Variants in ATP11C observed in about 807,000 individuals in gnomAD.
The protein encoded by ATP11C is ATPase phospholipid transporting 11C (ATP11C blood group).
A neutral mutation model predicts 97.4 loss-of-function variants in ATP11C; 36 were observed. That is an observed-to-expected ratio of 0.37 (90% CI 0.28 to 0.49). ATP11C has a LOEUF of 0.49. Among genes scored for constraint, ATP11C ranks in the 20% least tolerant of loss-of-function variants. ATP11C has a pLI of 0.98. For missense variants in ATP11C, 730 were observed against 824.6 expected, an observed-to-expected ratio of 0.89 and a Z score of 1.40; for synonymous variants, 275 against 290.9, an observed-to-expected ratio of 0.95 and a Z score of 0.56.
Position 139,804,466 on chromosome X carries a change from G to C in ATP11C, c.555+5C>G, listed in dbSNP as rs1271257241. ...AAAATGTTTAGGCAAGGTTTAGTCT[G>C]TTACCTTGCAATTGGATTCCCCATC... is the stretch of plus-strand genomic sequence containing the variant. On this transcript the variant is annotated splice_donor_5th_base_variant and intron_variant, in intron 6 of 29. Transcript: ENST00000682941. The C allele has an allele frequency of 8.3e-7, 1 of 1,200,666 alleles. No individual in the cohort carries two copies. The highest frequency in any genetic ancestry group is 2.2e-5 in the Admixed American group (1 of 45,462).
rs751384696 is a variant in ATP11C, at chrX:139,768,454, C to T, written c.2217-20G>A. 2 of 1,025,087 alleles carry T rather than the reference C, an allele frequency of 2.0e-6. No homozygotes were observed. The highest frequency in any genetic ancestry group is 3.6e-5 in the Admixed American group (1 of 28,001). 84.5% of individuals were successfully genotyped at this position (1,025,087 alleles called of 1,213,427 possible). ...CATGCTCTGAAAAAGAGAAACAATG[C>T]TATGTTTGGATTTATTACAGATTTC... On this transcript the variant is annotated intron_variant, in intron 19 of 29. Coordinates refer to ENST00000682941, the MANE Select transcript of ATP11C (RefSeq NM_001353812.2).
chrX:139,926,193 T>C (rs1295396807), intron 1 of ATP11C, among the ~76,000 whole-genome samples: 2 of 110,863 alleles, frequency 1.8e-5, no homozygotes, highest in Admixed American at 1.9e-4. Context: ...GCCCAGAACC[T>C]CCCTCCACCT....
chrX:139,798,678 C>A lies in ATP11C; in HGVS notation c.775+1G>T, dbSNP rs2082852858. On this transcript the variant is annotated splice_donor_variant, in intron 9 of 29. Coordinates refer to ENST00000682941, the MANE Select transcript of ATP11C (RefSeq NM_001353812.2). LOFTEE classifies it high-confidence loss of function. Reference sequence around the variant, plus strand: ...ATAGGTGTATCTTAAAAATTGTTCACCATATATCTTCTCGGTATTTTTTAG... The same window carrying A: ...ATAGGTGTATCTTAAAAATTGTTCAACATATATCTTCTCGGTATTTTTTAG... 1 of 1,192,821 alleles carries A rather than the reference C, an allele frequency of 8.4e-7. No individual in the cohort carries two copies. Among genetic ancestry groups the A allele is most frequent in the African/African-American group, 1.8e-5 (1 of 56,701 alleles).
intron 18 of ATP11C, among the ~76,000 whole-genome samples, chrX:139,781,825 C>T (rs1231805048): frequency 8.9e-6 from 1 of 112,243 alleles, no homozygotes; most frequent in African/African-American, 3.2e-5. Context: ...GTTCACTCTA[C>T]CTTAAATTTC....
chrX:139,792,743 G>GT (rs751463447), intron 12 of ATP11C, among the ~76,000 whole-genome samples: 1 of 112,005 alleles, frequency 8.9e-6, no homozygotes, highest in South Asian at 3.8e-4. Context: ...TAACTAACAT[G>GT]TAGGGGTTCC....
In ATP11C at chrX:139,726,372, T is replaced by C. The variant is rs768386387; in HGVS notation, c.*2594A>G. On this transcript the variant is annotated 3_prime_UTR_variant, in exon 30 of 30. Coordinates refer to ENST00000682941, the MANE Select transcript of ATP11C (RefSeq NM_001353812.2). ...ATCAATCATATCATACCAAAGTTTA[T>C]TGATTACATCAAACAAAAATTTCTG... is the stretch of plus-strand genomic sequence containing the variant. 19 of 112,487 alleles carry C rather than the reference T, an allele frequency of 1.7e-4. No individual in the cohort carries two copies. The highest frequency in any genetic ancestry group is 3.4e-4 in the Non-Finnish European group (18 of 53,306). The allele number at this position is 112,487 out of a possible 1,213,427, so 9.3% of individuals were successfully genotyped here.
At chrX:139,822,610 C>T (rs2083436951) in intron 2 of ATP11C, among the ~76,000 whole-genome samples, 1 of 110,595 alleles carries the variant, frequency 9.0e-6, no homozygotes, top group African/African-American at 3.3e-5. Context: ...GACGGGGTTT[C>T]ACCATGTTGG....
Position 139,737,940 on chromosome X carries a change from C to A in ATP11C, c.3264G>T (p.Lys1088Asn), listed in dbSNP as rs1386385212. ...CCCTGGCACTTCTTCTTCTTACATT[C>A]TTTAATACTATCAGAAGAATCTCAG... The part of the protein sequence containing the change: ...LFPEILLIVL[K>N]NVRRRSARRN... Residue 1088 changes from lysine to asparagine, a missense_variant, in exon 28 of 30, where the codon AAG (lysine) becomes AAT (asparagine). Transcript: ENST00000682941. The A allele has an allele frequency of 2.5e-6, 3 of 1,202,726 alleles. No individual in the cohort carries two copies. In the Admixed American group the frequency reaches 6.7e-5, roughly 27 times the overall value.
chrX:139,797,420 C>T (rs1377000318), intron 10 of ATP11C, 94 bp from the exon 11 acceptor site: 6 of 608,455 alleles, frequency 9.9e-6, no homozygotes, highest in Non-Finnish European at 1.4e-5. Flanking sequence ...CTGTGTACGA[C>T]GCGTAACTAC....
At chrX:139,929,231 C>A (rs988629513) in intron 1 of ATP11C, among the ~76,000 whole-genome samples, 1 of 111,692 alleles carries the variant, frequency 9.0e-6, no homozygotes, top group Non-Finnish European at 1.9e-5. Context: ...TCCTTTAGGA[C>A]ACCCTCTACA....
intron 1 of ATP11C, among the ~76,000 whole-genome samples, chrX:139,901,331 C>T (rs925615651): frequency 4.5e-5 from 5 of 111,855 alleles, no homozygotes; most frequent in Non-Finnish European, 7.5e-5. Flanking sequence ...TTGAAGTGGC[C>T]ACCTGGGCCC....
At chrX:139,816,564 C>A (rs1014698061) in intron 4 of ATP11C, among the ~76,000 whole-genome samples, 3 of 111,859 alleles carry the variant, frequency 2.7e-5, no homozygotes, top group African/African-American at 9.8e-5. Flanking sequence ...CACAGACATA[C>A]CACGCTGAAA....
chrX:139,910,660 AG>A (rs1205276214), intron 1 of ATP11C, among the ~76,000 whole-genome samples: 9 of 110,721 alleles, frequency 8.1e-5, no homozygotes, highest in Non-Finnish European at 1.3e-4. Context: ...AATAAGCATC[AG>A]TTTCATTAAA....
chrX:139,927,105 T>A, intron 1 of ATP11C, among the ~76,000 whole-genome samples: 1 of 112,090 alleles, frequency 8.9e-6, no homozygotes, highest in Non-Finnish European at 1.9e-5. Flanking sequence ...ATGTCACAAA[T>A]GTATTCAATG....
rs2081671371 is a variant in ATP11C at position 139,745,846 on chromosome X, C to G, written c.2840G>C (p.Gly947Ala). Reference sequence around the variant, plus strand: ...GGGGCCCAACTGTAGCATGGCATTGCCAGAAATTTTCCTATTGAGAAATGG... The same window carrying G: ...GGGGCCCAACTGTAGCATGGCATTGGCAGAAATTTTCCTATTGAGAAATGG... Reference protein sequence around the residue: ...SDPRLYMKISGNAMLQLGPFL... With the variant: ...SDPRLYMKISANAMLQLGPFL... The change falls in exon 25 of 30, where the codon GGC becomes GCC. Residue 947 changes from glycine to alanine, a missense_variant. Coordinates refer to ENST00000682941, the MANE Select transcript of ATP11C (RefSeq NM_001353812.2). The G allele has an allele frequency of 1.7e-6, 2 of 1,192,088 alleles. No individual in the cohort carries two copies. The highest frequency in any genetic ancestry group is 3.8e-5 in the South Asian group (2 of 52,416).
chrX:139,792,958 G>C (rs193056733), intron 12 of ATP11C, among the ~76,000 whole-genome samples: 1 of 112,020 alleles, frequency 8.9e-6, no homozygotes, highest in African/African-American at 3.2e-5. Context: ...CCAACTTAAA[G>C]CTGGTCGATC....
At chrX:139,789,602 C>G in intron 12 of ATP11C, 114 bp from the exon 13 acceptor site, 1 of 516,587 alleles carries the variant, frequency 1.9e-6, no homozygotes, top group Non-Finnish European at 3.0e-6. Context: ...TCTAAGACTT[C>G]TTGTCAAATG....
At chrX:139,848,230 G>C (rs778738287) in intron 1 of ATP11C, among the ~76,000 whole-genome samples, 38 of 111,442 alleles carry the variant, frequency 3.4e-4, no homozygotes, top group Non-Finnish European at 6.2e-4. Flanking sequence ...TGTTCTCTAT[G>C]CCAACACTTG....
intron 1 of ATP11C, among the ~76,000 whole-genome samples, chrX:139,887,308 A>G (rs1317534280): frequency 8.9e-6 from 1 of 112,132 alleles, no homozygotes; most frequent in Non-Finnish European, 1.9e-5. Context: ...TGTTTCTTAG[A>G]TAGGACAGAA....
Sources: gnomAD v4.1 joint callset for allele counts (sites outside exome capture counted in the v4.1 genomes callset) on GRCh38, gnomAD v4.1.1 for gene constraint, MANE v1.5 for transcripts, NCBI Gene and HGNC (gene_info 2026-07-23, HGNC 2026-07-21) for gene names.